Variants in GALNT17 observed in about 807,000 individuals in gnomAD.
GALNT17 encodes the protein polypeptide N-acetylgalactosaminyltransferase 17, also known as UDP-GalNAc:polypeptide N-acetylgalactosaminyltransferase-like 3.
Under a neutral mutation model 63.7 loss-of-function variants are expected in GALNT17, and 29 were observed. The ratio of observed to expected loss-of-function variants is 0.46; its 90% CI spans 0.34 to 0.62. The LOEUF is 0.62. Among genes scored for constraint, GALNT17 ranks in the 20% least tolerant of loss-of-function variants. The pLI is 0.01. For synonymous variants in GALNT17, 305 were observed against 318.3 expected, an observed-to-expected ratio of 0.96 and a Z score of 0.45; for missense variants, 603 against 799.6, an observed-to-expected ratio of 0.75 and a Z score of 2.97.
intron 6 of GALNT17, among the ~76,000 whole-genome samples, chr7:71,596,255 G>T (rs938165957): frequency 6.6e-6 from 1 of 152,088 alleles, no homozygotes; most frequent in Non-Finnish European, 1.5e-5. Context: ...GGCCAGGCTG[G>T]TCTCAAACTC....
chr7:71,567,019 C>T (rs1405832953), intron 5 of GALNT17, among the ~76,000 whole-genome samples: 1 of 152,180 alleles, frequency 6.6e-6, no homozygotes, highest in Non-Finnish European at 1.5e-5. Flanking sequence ...TGAGTTCTAG[C>T]TCCCAGAGTT....
At chr7:71,174,898 G>A (rs1280008680) in intron 1 of GALNT17, among the ~76,000 whole-genome samples, 1 of 152,134 alleles carries the variant, frequency 6.6e-6, no homozygotes, top group Non-Finnish European at 1.5e-5. Flanking sequence ...TTAGGAATTT[G>A]GGTTTCTGTC....
At chr7:71,201,524 A>G (rs1024202339) in intron 1 of GALNT17, among the ~76,000 whole-genome samples, 5 of 151,476 alleles carry the variant, frequency 3.3e-5, no homozygotes. Context: ...TTTTTTGGCC[A>G]CAAAATTTAG....
chr7:71,608,737 G>A lies in GALNT17; in HGVS notation c.1080+37335G>A, dbSNP rs368473224. Reference sequence around the variant, plus strand: ...GTAGTGAGGGCTTGAAGAAGAGACCGAAAAACCAGCAACTGGAGATGAACT... The same window carrying A: ...GTAGTGAGGGCTTGAAGAAGAGACCAAAAAACCAGCAACTGGAGATGAACT... On this transcript the variant is annotated intron_variant, in intron 6 of 10. Coordinates refer to ENST00000333538, the MANE Select transcript of GALNT17 (RefSeq NM_022479.3). 9.2e-5 allele frequency among the ~76,000 whole-genome samples: 14 copies of A among 152,010 alleles called. No homozygotes were observed. In the East Asian group the frequency reaches 1.6e-3, roughly 17 times the overall value.
chr7:71,295,240 G>A (rs114028642), intron 1 of GALNT17, among the ~76,000 whole-genome samples: 2,888 of 152,196 alleles, frequency 0.019, 31 homozygotes, highest in Middle Eastern at 0.034. Context: ...TGCTTCCTGT[G>A]TGAGCTCCTT....
intron 6 of GALNT17, among the ~76,000 whole-genome samples, chr7:71,590,145 T>G (rs1055796014): frequency 6.6e-6 from 1 of 152,166 alleles, no homozygotes; most frequent in African/African-American, 2.4e-5. Context: ...ATCCATAAAT[T>G]GTATTATATT....
chr7:71,543,373 G>A (rs1007028159), intron 5 of GALNT17, among the ~76,000 whole-genome samples: 3 of 152,164 alleles, frequency 2.0e-5, no homozygotes, highest in African/African-American at 7.2e-5. Context: ...GGAGACAGGA[G>A]TCCAGCTCAA....
intron 9 of GALNT17, among the ~76,000 whole-genome samples, chr7:71,693,848 G>C (rs138386413): frequency 1.0e-3 from 155 of 149,922 alleles, no homozygotes; most frequent in African/African-American, 3.0e-3. Context: ...CTATAGGAAA[G>C]AAAACAAGTT....
intron 5 of GALNT17, among the ~76,000 whole-genome samples, chr7:71,493,675 A>G (rs1308914815): frequency 6.6e-6 from 1 of 152,138 alleles, no homozygotes; most frequent in Non-Finnish European, 1.5e-5. Context: ...CCCTCCCACA[A>G]CATGTGAGAA....
At chr7:71,411,559 C>T (rs1254363022) in intron 3 of GALNT17, among the ~76,000 whole-genome samples, 2 of 152,114 alleles carry the variant, frequency 1.3e-5, no homozygotes, top group Admixed American at 6.5e-5. Flanking sequence ...ACCTCTTCTT[C>T]GGTTTCTCTC....
At position 71,234,262 on chromosome 7, in the gene GALNT17, A is replaced by G. The variant is rs185726582; in HGVS notation, c.238+101222A>G. On this transcript the variant is annotated intron_variant, in intron 1 of 10. Transcript: ENST00000333538. ...GTAAGGACATTGCATTTAATTTTATAAGTTTATTTATTTATTTGAGTCAGA... is the reference window on the plus strand; with the variant it reads ...GTAAGGACATTGCATTTAATTTTATGAGTTTATTTATTTATTTGAGTCAGA... Among the ~76,000 whole-genome samples the G allele has an allele frequency of 1.3e-3, 195 of 152,034 alleles. 1 individual carries two copies. Among genetic ancestry groups the G allele is most frequent in the South Asian group, 8.3e-3 (40 of 4,792 alleles).
At chr7:71,386,823 G>A (rs149619743) in intron 2 of GALNT17, among the ~76,000 whole-genome samples, 19 of 152,248 alleles carry the variant, frequency 1.2e-4, no homozygotes, top group African/African-American at 4.3e-4. Context: ...TCCAGGTGTA[G>A]GGTCCTTTTC....
chr7:71,378,128 C>T (rs1181637879), intron 2 of GALNT17, among the ~76,000 whole-genome samples: 5 of 152,154 alleles, frequency 3.3e-5, no homozygotes, highest in African/African-American at 1.2e-4. Flanking sequence ...AGGCAGGACA[C>T]ACTTGGACTC....
At chr7:71,239,860 A>G (rs781555026) in intron 1 of GALNT17, among the ~76,000 whole-genome samples, 25 of 152,250 alleles carry the variant, frequency 1.6e-4, no homozygotes, top group Non-Finnish European at 2.8e-4. Flanking sequence ...AATGAGTTTT[A>G]CATTGTTATT....
intron 5 of GALNT17, among the ~76,000 whole-genome samples, chr7:71,432,114 G>T (rs1225549492): frequency 2.0e-5 from 3 of 152,026 alleles, no homozygotes; most frequent in African/African-American, 7.3e-5. Context: ...CGCGGAGGTT[G>T]CAGTGAGCCG....
At chr7:71,623,359 C>T (rs148250119) in intron 6 of GALNT17, among the ~76,000 whole-genome samples, 84 of 148,786 alleles carry the variant, frequency 5.6e-4, no homozygotes, top group African/African-American at 1.9e-3. Flanking sequence ...AGGAAGCCTT[C>T]GTACGTGTAA....
chr7:71,351,654 G>A (rs546851830), intron 2 of GALNT17, among the ~76,000 whole-genome samples: 1 of 152,186 alleles, frequency 6.6e-6, no homozygotes, highest in East Asian at 1.9e-4. Flanking sequence ...CCAAAAAGTA[G>A]GGAAGGCAAG....
At chr7:71,524,390 T>G (rs983722587) in intron 5 of GALNT17, among the ~76,000 whole-genome samples, 3 of 151,546 alleles carry the variant, frequency 2.0e-5, no homozygotes, top group African/African-American at 7.3e-5. Context: ...CTTCTATTTT[T>G]TGTGTGTGTC....
chr7:71,286,530 C>T (rs756108131), intron 1 of GALNT17, among the ~76,000 whole-genome samples: 1 of 151,994 alleles, frequency 6.6e-6, no homozygotes, highest in Admixed American at 6.5e-5. Flanking sequence ...TAAGGAAACA[C>T]GCTCTGGGCT....
Sources: gnomAD v4.1 joint callset for allele counts (sites outside exome capture counted in the v4.1 genomes callset) on GRCh38, gnomAD v4.1.1 for gene constraint, MANE v1.5 for transcripts, NCBI Gene and HGNC (gene_info 2026-07-23, HGNC 2026-07-21) for gene names.